Variants in ANK2 observed in about 807,000 individuals in gnomAD.
The protein encoded by ANK2 is ankyrin 2, also known as ankyrin-2.
Under a neutral mutation model 360.5 loss-of-function variants are expected in ANK2, and 83 were observed. The ratio of observed to expected loss-of-function variants is 0.23; its 90% confidence interval spans 0.19 to 0.28. The LOEUF (loss-of-function observed/expected upper bound fraction) is 0.28. Among genes scored for constraint, ANK2 ranks in the 10% least tolerant of loss-of-function variants. The probability of loss-of-function intolerance (pLI) is 1.00; values close to 1 mark genes in which losing one functional copy is unlikely to be tolerated. For synonymous variants in ANK2, 1,740 were observed against 1,759.5 expected (o/e 0.99, Z 0.28); for missense variants, 4,201 against 4,795.7 (o/e 0.88, Z 3.66).
rs531153930 is a variant in ANK2, at chr4:113,022,690, T to C, written c.21+118176T>C. Among the ~76,000 whole-genome samples the C allele has an allele frequency of 2.8e-4, 42 of 152,348 alleles. 1 individual carries two copies. In the South Asian group the frequency reaches 3.7e-3, roughly 14 times the overall value. On this transcript the variant is annotated intron_variant, in intron 2 of 30. Coordinates refer to the ANK2 transcript ENST00000503271. Reference sequence around the variant, plus strand: ...GAAGAATTTAAGCCAGCAGATTTGGTGTCATAAGAATCATGGACTATTTTT... The same window carrying C: ...GAAGAATTTAAGCCAGCAGATTTGGCGTCATAAGAATCATGGACTATTTTT...
intron 18 of ANK2, among the ~76,000 whole-genome samples, chr4:113,287,359 G>C (rs985954663): frequency 7.9e-5 from 12 of 152,102 alleles, no homozygotes; most frequent in Non-Finnish European, 1.6e-4. Context: ...CATAATATAA[G>C]AACCCATTAT....
At chr4:113,268,596 G>T (rs2057207426) in intron 14 of ANK2, among the ~76,000 whole-genome samples, 1 of 152,222 alleles carries the variant, frequency 6.6e-6, no homozygotes, top group South Asian at 2.1e-4. Flanking sequence ...CAGGGATGAA[G>T]CTGACTTGAT....
chr4:113,148,520 A>T (rs1022787299), intron 1 of ANK2, among the ~76,000 whole-genome samples: 2 of 152,082 alleles, frequency 1.3e-5, no homozygotes, highest in Non-Finnish European at 2.9e-5. Flanking sequence ...GGTTTTTCGT[A>T]TGAGCTTTTT....
the ANK2 span, among the ~76,000 whole-genome samples, chr4:112,718,089 A>C: frequency 6.6e-6 from 1 of 152,202 alleles, no homozygotes; most frequent in Non-Finnish European, 1.5e-5. Flanking sequence ...TTCCTGTTTC[A>C]GCAGAAGAAT....
chr4:112,793,348 G>T, the ANK2 span, among the ~76,000 whole-genome samples: 3 of 151,892 alleles, frequency 2.0e-5, no homozygotes, highest in Non-Finnish European at 4.4e-5. Context: ...AAGAAATTAA[G>T]GTTTTAATGT....
chr4:112,708,832 T>A, the ANK2 span, among the ~76,000 whole-genome samples: 1 of 152,210 alleles, frequency 6.6e-6, no homozygotes, highest in Non-Finnish European at 1.5e-5. Context: ...TCGTTTGCAT[T>A]TATTTGCTAT....
At chr4:112,913,254 C>G (rs2088382949) in intron 2 of ANK2, among the ~76,000 whole-genome samples, 1 of 152,082 alleles carries the variant, frequency 6.6e-6, no homozygotes, top group African/African-American at 2.4e-5. Context: ...TACTTAATTA[C>G]CTTTCTGTAA....
At position 113,365,091 on chromosome 4, in the gene ANK2, T is replaced by A; in HGVS notation, c.10941T>A (p.His3647Gln). The stretch of plus-strand genomic sequence containing the variant: ...AGATCAACCGAATGGATATTGTTCA[T>A]CTCATGGAGACCAACACAGAACCTC... ...LTKINRMDIVHLMETNTEPLQ... is the reference protein window; with the variant it reads ...LTKINRMDIVQLMETNTEPLQ... The change falls in exon 41 of 46, where the codon CAT (histidine) becomes CAA (glutamine). Residue 3647 changes from histidine (H) to glutamine (Q), a missense_variant. Physicochemically the swap from His to Gln is conservative, Grantham distance 24 (BLOSUM62 0). Around this residue, in one of 4 missense-constraint regions of ANK2, gnomAD observed 2,642 missense variants for 2,714.5 expected, o/e 0.97. Coordinates refer to ENST00000357077, the MANE Select transcript of ANK2 (RefSeq NM_001148.6). 1.2e-6 allele frequency: 2 copies of A among 1,614,034 alleles called. No individual in the cohort carries two copies. The highest frequency in any genetic ancestry group is 3.3e-5 in the Admixed American group (2 of 60,008).
chr4:113,182,327 TCAGTAGG>T (rs1053855937), intron 2 of ANK2, among the ~76,000 whole-genome samples: 11 of 152,146 alleles, frequency 7.2e-5, no homozygotes, highest in African/African-American at 2.7e-4. Context: ...TCCAAGATAT[TCAGTAGG>T]CAGTTGGATA....
At position 113,381,754 on chromosome 4, in the gene ANK2, C is replaced by A; in HGVS notation, c.*283C>A. ...TTAATGGGATACCCCGACATTTCCA[C>A]TGTTAGCAAATATACGGCATTTTGC... On this transcript the variant is annotated 3_prime_UTR_variant, in exon 46 of 46. Coordinates refer to ENST00000357077, the MANE Select transcript of ANK2 (RefSeq NM_001148.6). The A allele has an allele frequency of 8.7e-7, 1 of 1,143,296 alleles. No individual in the cohort carries two copies. Among genetic ancestry groups the A allele is most frequent in the Non-Finnish European group, 1.2e-6 (1 of 813,838 alleles). The allele number at this position is 1,143,296 out of a possible 1,614,324, so 70.8% of individuals were successfully genotyped here. A position where few individuals can be genotyped will look rare whatever the true frequency, so the allele number is the denominator to read the frequency against.
At chr4:113,280,849 G>A (rs2062018511) in intron 17 of ANK2, among the ~76,000 whole-genome samples, 1 of 152,182 alleles carries the variant, frequency 6.6e-6, no homozygotes, top group African/African-American at 2.4e-5. Context: ...CCTTAGTAGA[G>A]CCCATGCTGT....
chr4:112,812,367 T>C, the ANK2 span, among the ~76,000 whole-genome samples: 1 of 152,214 alleles, frequency 6.6e-6, no homozygotes, highest in Non-Finnish European at 1.5e-5. Context: ...TCCTATAATG[T>C]GATATTGACA....
At chr4:113,238,166 C>T (rs1176362516) in intron 7 of ANK2, among the ~76,000 whole-genome samples, 3 of 152,016 alleles carry the variant, frequency 2.0e-5, no homozygotes, top group Admixed American at 6.6e-5. Context: ...TGTATATTTT[C>T]CACATTCCAA....
intron 2 of ANK2, among the ~76,000 whole-genome samples, chr4:113,027,664 C>T (rs1355651394): frequency 1.3e-5 from 2 of 152,108 alleles, no homozygotes; most frequent in East Asian, 1.9e-4. Context: ...AATGTTATGG[C>T]ACACTTCCAT....
intron 1 of ANK2, among the ~76,000 whole-genome samples, chr4:113,098,370 G>C (rs1430451297): frequency 6.6e-6 from 1 of 151,872 alleles, no homozygotes; most frequent in African/African-American, 2.4e-5. Context: ...ATCAAAGAGG[G>C]ATGGATCATC....
intron 1 of ANK2, among the ~76,000 whole-genome samples, chr4:113,169,227 T>A (rs1345318531): frequency 6.6e-6 from 1 of 152,194 alleles, no homozygotes; most frequent in African/African-American, 2.4e-5. Context: ...GTACATTTAT[T>A]TTTTTGATAA....
At chr4:113,237,353 A>G (rs576092957) in intron 6 of ANK2, among the ~76,000 whole-genome samples, 181 bp downstream of exon 6, 2 of 152,332 alleles carry the variant, frequency 1.3e-5, no homozygotes, top group South Asian at 4.1e-4. Context: ...TAAATGCAAG[A>G]TAATTTTCTT....
intron 1 of ANK2, among the ~76,000 whole-genome samples, chr4:113,121,025 C>A (rs1433575040): frequency 6.6e-6 from 1 of 152,112 alleles, no homozygotes; most frequent in African/African-American, 2.4e-5. Flanking sequence ...ATGACTAGTT[C>A]TTAACATCCT....
In ANK2 at chr4:113,354,958, A is replaced by G; in HGVS notation, c.6340A>G (p.Lys2114Glu). 6.2e-7 allele frequency: 1 copy of G among 1,614,070 alleles called. No homozygotes were observed. The highest frequency in any genetic ancestry group is 8.5e-7 in the Non-Finnish European group (1 of 1,179,978). The stretch of plus-strand genomic sequence containing the variant: ...CAGAGAGAGCGAAGTGCCCAAAGAA[A>G]AGATGGCTGATGAGCAGGGAGACAT... ...SHRESEVPKE[K>E]MADEQGDMDL... Residue 2114 changes from lysine (K) to glutamate (E), a missense_variant, in exon 38 of 46, where the codon AAG becomes GAG. By Grantham distance (56) the Lys-to-Glu change is moderately conservative (BLOSUM62 1). This residue lies in a region of ANK2 where 2,642 missense variants were observed against 2,714.5 expected (regional missense o/e 0.97). Transcript: ENST00000357077.
Sources: allele counts gnomAD v4.1 joint callset (sites outside exome capture counted in the v4.1 genomes callset), GRCh38; gene constraint gnomAD v4.1.1; regional missense constraint gnomAD v4.1.1; transcripts MANE v1.5; gene names NCBI Gene and HGNC (gene_info 2026-07-23, HGNC 2026-07-21).